RCC2: variants seen among roughly 807,000 people sequenced by gnomAD.
RCC2 encodes protein RCC2.
RCC2 carries 19 observed loss-of-function variants against 64.1 expected under a neutral mutation model. The ratio of observed to expected loss-of-function variants is 0.30; its 90% CI spans 0.21 to 0.44. The LOEUF (loss-of-function observed/expected upper bound fraction) is 0.44, where lower values mean the gene tolerates loss of function less well. RCC2 is among the 20% of genes least tolerant of loss of function. The pLI, the probability that RCC2 is intolerant of heterozygous loss-of-function variation, is 1.00. For synonymous variants in RCC2, 325 were observed against 279.6 expected, an observed-to-expected ratio of 1.16 and a Z score of -1.62; for missense variants, 508 against 710.4, an observed-to-expected ratio of 0.72 and a Z score of 3.24.
intron 5 of RCC2, 103 bp from the exon 6 acceptor site, chr1:17,422,394 A>G: frequency 9.2e-7 from 1 of 1,082,536 alleles, no homozygotes; most frequent in East Asian, 2.5e-5. Flanking sequence ...CTCATTTGCC[A>G]GGCAGAAGGC....
intron 3 of RCC2, among the ~76,000 whole-genome samples, chr1:17,428,192 G>A (rs1177682184): frequency 3.3e-5 from 5 of 152,218 alleles, no homozygotes; most frequent in African/African-American, 4.8e-5. Flanking sequence ...GATGCAACAC[G>A]GGCACAGGAC....
intron 4 of RCC2, among the ~76,000 whole-genome samples, chr1:17,424,077 G>A (rs74810608): frequency 0.036 from 5,455 of 152,330 alleles, 138 homozygotes; most frequent in Non-Finnish European, 0.05. Flanking sequence ...AGCAACAAGT[G>A]CAAGTCTCAG....
chr1:17,420,009 G>A (rs1278296287), intron 7 of RCC2, among the ~76,000 whole-genome samples: 1 of 152,222 alleles, frequency 6.6e-6, no homozygotes, highest in Non-Finnish European at 1.5e-5. Flanking sequence ...GCGGCTGCAG[G>A]AGCGCGCGCG....
intron 8 of RCC2, among the ~76,000 whole-genome samples, chr1:17,415,232 A>G (rs2075470096): frequency 6.6e-6 from 1 of 152,186 alleles, no homozygotes; most frequent in Non-Finnish European, 1.5e-5. Context: ...TCCTAGCCCA[A>G]TTCCCTGGGC....
intron 8 of RCC2, among the ~76,000 whole-genome samples, chr1:17,414,865 C>T (rs1379875107): frequency 6.6e-6 from 1 of 152,094 alleles, no homozygotes; most frequent in Non-Finnish European, 1.5e-5. Context: ...AATGATCTGC[C>T]CACCTTGGCC....
At chr1:17,437,638 G>T (rs1323463810) in intron 2 of RCC2, among the ~76,000 whole-genome samples, 1 of 4,358 alleles carries the variant, frequency 2.3e-4, no homozygotes, top group Non-Finnish European at 6.4e-4. Context: ...CGCTCAGCCG[G>T]GGGGCTTCCC....
intron 6 of RCC2, 78 bp downstream of exon 6, chr1:17,422,125 G>A: frequency 9.8e-7 from 1 of 1,023,188 alleles, no homozygotes; most frequent in Non-Finnish European, 1.5e-6. Context: ...AACTCAAACG[G>A]AGACCCCACC....
chr1:17,429,065 T>G (rs761061786), intron 3 of RCC2, 41 bp downstream of exon 3: 1 of 1,493,872 alleles, frequency 6.7e-7, no homozygotes, highest in Admixed American at 1.7e-5. Flanking sequence ...ACCTAGCACT[T>G]AAGAAGCACT....
chr1:17,438,700 C>G (rs1259246993), intron 1 of RCC2, 178 bp from the exon 2 acceptor site: 9 of 537,316 alleles, frequency 1.7e-5, no homozygotes, highest in Non-Finnish European at 2.5e-5. Flanking sequence ...CTCCCTGGCC[C>G]CGGCGCGGCT....
chr1:17,438,092 C>T (rs1213880985), intron 2 of RCC2, 138 bp downstream of exon 2: 1 of 529,906 alleles, frequency 1.9e-6, no homozygotes, highest in Non-Finnish European at 2.5e-6. Context: ...AATGATTCAG[C>T]CCGCGGCCTG....
At chr1:17,438,086 A>T (rs2075759348) in intron 2 of RCC2, 144 bp downstream of exon 2, 8 of 457,662 alleles carry the variant, frequency 1.7e-5, no homozygotes, top group African/African-American at 2.2e-5. Context: ...GGAGGCAATG[A>T]TTCAGCCCGC....
At chr1:17,424,312 C>A (rs1231105882) in intron 4 of RCC2, among the ~76,000 whole-genome samples, 1 of 152,170 alleles carries the variant, frequency 6.6e-6, no homozygotes, top group Non-Finnish European at 1.5e-5. Flanking sequence ...ATTGTCCCTG[C>A]CCACAGGGTC....
At chr1:17,433,197 G>C (rs777638557) in intron 2 of RCC2, among the ~76,000 whole-genome samples, 3 of 152,186 alleles carry the variant, frequency 2.0e-5, no homozygotes, top group Non-Finnish European at 4.4e-5. Flanking sequence ...ACATTAGATG[G>C]AGGTTAGTGT....
At chr1:17,437,078 G>A (rs1361447442) in intron 2 of RCC2, among the ~76,000 whole-genome samples, 1 of 152,204 alleles carries the variant, frequency 6.6e-6, no homozygotes, top group Non-Finnish European at 1.5e-5. Flanking sequence ...AGGAGTTACA[G>A]CATTTGGAGA....
At chr1:17,421,051 A>T (rs1427102620) in intron 6 of RCC2, among the ~76,000 whole-genome samples, 2 of 152,148 alleles carry the variant, frequency 1.3e-5, no homozygotes, top group Non-Finnish European at 2.9e-5. Flanking sequence ...AGCAGTTCAA[A>T]GCCTAGCCAC....
At position 17,408,122 on chromosome 1, in the gene RCC2, A is replaced by T. The variant is rs11587520; in HGVS notation, c.*968T>A. ...CGGTACCCCGAGTCTCAGCAACAGG[A>T]CGGCCCGCGCGAGGCAGGATCCAGG... On this transcript the variant is annotated 3_prime_UTR_variant, in exon 13 of 13. Transcript: ENST00000375436. 6.6e-6 allele frequency: 1 copy of T among 152,310 alleles called. No homozygotes were observed. Among genetic ancestry groups the T allele is most frequent in the African/African-American group, 2.4e-5 (1 of 41,452 alleles). The allele number at this position is 152,310 out of a possible 1,614,324, so 9.4% of individuals were successfully genotyped here. A position where few individuals can be genotyped will look rare whatever the true frequency, so the allele number is the denominator to read the frequency against.
chr1:17,407,038 T>C lies in RCC2; in HGVS notation c.*2052A>G, dbSNP rs1238694334. 6.6e-6 allele frequency: 1 copy of C among 152,200 alleles called. No homozygotes were observed. Among genetic ancestry groups the C allele is most frequent in the Non-Finnish European group, 1.5e-5 (1 of 68,020 alleles). The allele number at this position is 152,200 out of a possible 1,614,324, so 9.4% of individuals were successfully genotyped here. A position where few individuals can be genotyped will look rare whatever the true frequency, so the allele number is the denominator to read the frequency against. ...CACCCTTCCCCCACAACTCCTTGTT[T>C]TAAAGGATTTAACCCATTAGGAAGC... On this transcript the variant is annotated 3_prime_UTR_variant, in exon 13 of 13. Transcript: ENST00000375436.
intron 1 of RCC2, among the ~76,000 whole-genome samples, chr1:17,439,235 T>C (rs947850287): frequency 9.9e-5 from 15 of 151,050 alleles, no homozygotes; most frequent in Middle Eastern, 7.0e-3. Context: ...CCCAGCCCCC[T>C]TGCCGGCCGT....
rs899015099 is a variant in RCC2 at position 17,437,699 on chromosome 1, G to GC, written c.285+530dup. 1.7e-3 allele frequency among the ~76,000 whole-genome samples: 256 copies of GC among 146,766 alleles called. 2 individuals are homozygous for GC. Among genetic ancestry groups the GC allele is most frequent in the Middle Eastern group, 3.5e-3 (1 of 288 alleles). On this transcript the variant is annotated intron_variant, in intron 2 of 12. Coordinates refer to ENST00000375436, the MANE Select transcript of RCC2 (RefSeq NM_018715.4). ...GCATGCGCGGCGGCCGTCAGGCCCC[G>GC]CCCCCCCCGGGCGCCGGAGCCGAGG...
Sources: gnomAD v4.1 joint callset for allele counts (sites outside exome capture counted in the v4.1 genomes callset) on GRCh38, gnomAD v4.1.1 for gene constraint, MANE v1.5 for transcripts, NCBI Gene and HGNC (gene_info 2026-07-23, HGNC 2026-07-21) for gene names.